Variants in POLE observed in about 807,000 individuals in gnomAD.
The protein encoded by POLE is DNA polymerase epsilon, catalytic subunit.
In POLE, 188 loss-of-function variants were observed where a neutral mutation model predicts 279.2. The ratio of observed to expected loss-of-function variants is 0.67; its 90% confidence interval spans 0.60 to 0.76. POLE has a LOEUF of 0.76. Among genes scored for constraint, POLE ranks in the 30% least tolerant of loss-of-function variants. The pLI is 0.00. For synonymous variants in POLE, 1,214 were observed against 1,172.5 expected, an observed-to-expected ratio of 1.04 and a Z score of -0.72; for missense variants, 2,703 against 3,016.7, an observed-to-expected ratio of 0.90 and a Z score of 2.44.
Position 132,659,670 on chromosome 12 carries a change from C to T in POLE, c.3061-161G>A. Reference sequence around the variant, plus strand: ...ATGCCTGTGTGGCAATACTTTAAAACATACACACACACACAAAACTTTAGC... The same window carrying T: ...ATGCCTGTGTGGCAATACTTTAAAATATACACACACACACAAAACTTTAGC... On this transcript the variant is annotated intron_variant, in intron 25 of 48. Coordinates refer to ENST00000320574, the MANE Select transcript of POLE (RefSeq NM_006231.4). 4.9e-6 allele frequency: 3 copies of T among 608,152 alleles called. No individual in the cohort carries two copies. In the South Asian group the frequency reaches 6.0e-5, roughly 12 times the overall value. 37.7% of individuals were successfully genotyped at this position (608,152 alleles called of 1,614,324 possible).
At chr12:132,686,477 G>C (rs2043270905) in intron 1 of POLE, among the ~76,000 whole-genome samples, 2 of 151,940 alleles carry the variant, frequency 1.3e-5, no homozygotes, top group Admixed American at 1.3e-4. Flanking sequence ...TCTCACGTCT[G>C]TAATCCCAGC....
At position 132,657,926 on chromosome 12, in the gene POLE, T is replaced by C. The variant is rs1060500800; in HGVS notation, c.3320A>G (p.Lys1107Arg). 1 of 1,614,142 alleles carries C rather than the reference T, an allele frequency of 6.2e-7. No individual in the cohort carries two copies. The highest frequency in any genetic ancestry group is 8.5e-7 in the Non-Finnish European group (1 of 1,179,972). The change falls in exon 27 of 49, where the codon AAG becomes AGG. Residue 1107 changes from lysine to arginine, a missense_variant. Physicochemically the swap from Lys to Arg is conservative, Grantham distance 26 (BLOSUM62 2). Coordinates refer to ENST00000320574, the MANE Select transcript of POLE (RefSeq NM_006231.4). Reference sequence around the variant, plus strand: ...CTTGAGCCATTTCCGGAGAAAGTGCTTCCTCACCGTGGGCTCTGCTTGGAA... The same window carrying C: ...CTTGAGCCATTTCCGGAGAAAGTGCCTCCTCACCGTGGGCTCTGCTTGGAA... ...AIFQAEPTVRKHFLRKWLKSS... is the reference protein window; with the variant it reads ...AIFQAEPTVRRHFLRKWLKSS...
intron 40 of POLE, 160 bp from the exon 41 acceptor site, chr12:132,638,299 C>A: frequency 2.1e-6 from 1 of 478,782 alleles, no homozygotes; most frequent in Non-Finnish European, 3.4e-6. Flanking sequence ...AAGATTTCTG[C>A]ATGGCAAAAA....
At chr12:132,673,452 G>T in intron 13 of POLE, 123 bp downstream of exon 13, 1 of 1,415,744 alleles carries the variant, frequency 7.1e-7, no homozygotes, top group Non-Finnish European at 9.8e-7. Flanking sequence ...GAGCGGGCTG[G>T]CATACATGCG....
chr12:132,680,913 T>C (rs2043152544), intron 2 of POLE: 1 of 632,064 alleles, frequency 1.6e-6, no homozygotes, highest in East Asian at 2.7e-5. Flanking sequence ...TTGAAAGCTT[T>C]ATTCTGATGG....
At chr12:132,631,093 T>G (rs1003944005) in intron 45 of POLE, among the ~76,000 whole-genome samples, 2 of 152,240 alleles carry the variant, frequency 1.3e-5, no homozygotes, top group African/African-American at 4.8e-5. Flanking sequence ...AAGCTGTGGT[T>G]TGCCCACACA....
intron 45 of POLE, among the ~76,000 whole-genome samples, chr12:132,628,572 G>A (rs1041822525): frequency 6.6e-6 from 1 of 152,160 alleles, no homozygotes; most frequent in Non-Finnish European, 1.5e-5. Context: ...GAACCCAGGA[G>A]GCGGAGGTTG....
chr12:132,625,987 G>T, intron 46 of POLE, 130 bp downstream of exon 46: 1 of 1,127,804 alleles, frequency 8.9e-7, no homozygotes, highest in Non-Finnish European at 1.3e-6. Context: ...GGGGCCTGTT[G>T]CCAATCCATG....
intron 45 of POLE, among the ~76,000 whole-genome samples, chr12:132,627,000 G>A (rs1428534371): frequency 6.6e-6 from 1 of 152,214 alleles, no homozygotes; most frequent in Non-Finnish European, 1.5e-5. Context: ...TAAAAGTTAC[G>A]TGATTTGTGG....
At chr12:132,651,582 G>A (rs1348411767) in intron 29 of POLE, among the ~76,000 whole-genome samples, 1 of 152,196 alleles carries the variant, frequency 6.6e-6, no homozygotes, top group Non-Finnish European at 1.5e-5. Flanking sequence ...ATGGCCCAAC[G>A]ACCCCCACTT....
rs2042679616 is a variant in POLE, at chr12:132,661,466, C to A, written c.2864+61G>T. On this transcript the variant is annotated intron_variant, in intron 24 of 48. Transcript: ENST00000320574. This position sits in a 1 kb window ranked among gnomAD's most constrained non-coding sequence, Gnocchi z 4.1. ...CTCCTGATCCAACCTCCTTTCTGGG[C>A]TAAATTTAATCTATCTCAATCCATG... The A allele has an allele frequency of 6.4e-7, 1 of 1,563,288 alleles. No homozygotes were observed. The highest frequency in any genetic ancestry group is 8.7e-7 in the Non-Finnish European group (1 of 1,145,400).
rs2042586828 is a variant in POLE, at chr12:132,658,080, C to T, written c.3276-110G>A. 4.1e-6 allele frequency: 3 copies of T among 736,134 alleles called. No homozygotes were observed. In the African/African-American group the frequency reaches 5.2e-5, roughly 13 times the overall value. The allele number at this position is 736,134 out of a possible 1,614,324, so 45.6% of individuals were successfully genotyped here. A position where few individuals can be genotyped will look rare whatever the true frequency, so the allele number is the denominator to read the frequency against. On this transcript the variant is annotated intron_variant, in intron 26 of 48. Coordinates refer to ENST00000320574, the MANE Select transcript of POLE (RefSeq NM_006231.4). ...AATAAGGACGTGTAACAGCTGTTCA[C>T]AAACATCAATGTATACATCTGCGTG...
rs1028190209 is a variant in POLE at position 132,668,055 on chromosome 12, C to T, written c.2173+301G>A. Among the ~76,000 whole-genome samples, 7 of 151,030 alleles carry T rather than the reference C, an allele frequency of 4.6e-5. No individual in the cohort carries two copies. Among genetic ancestry groups the T allele is most frequent in the African/African-American group, 1.7e-4 (7 of 40,870 alleles). On this transcript the variant is annotated intron_variant, in intron 19 of 48. Coordinates refer to ENST00000320574, the MANE Select transcript of POLE (RefSeq NM_006231.4). This position sits in a 1 kb window ranked among gnomAD's most constrained non-coding sequence, Gnocchi z 4.0. ...CCAAGATCACACCACTGCATTCCAG[C>T]CTGGGTGACAGAGTGAGACCTCATT...
intron 15 of POLE, 118 bp from the exon 16 acceptor site, chr12:132,672,440 C>G: frequency 9.5e-7 from 1 of 1,052,868 alleles, no homozygotes; most frequent in Non-Finnish European, 1.4e-6. Flanking sequence ...CGGAAGGACT[C>G]ATGTGCACAA....
chr12:132,659,203 A>AGGGGAGCCCTCACCTCTCCGTGACGG, intron 26 of POLE, 92 bp downstream of exon 26: 2 of 1,314,464 alleles, frequency 1.5e-6, no homozygotes, highest in Non-Finnish European at 2.1e-6. Context: ...CTCTGTGATG[A>AGGGGAGCCCTCACCTCTCCGTGACGG]GGGGAGCCCT....
chr12:132,670,764 C>T (rs1195263137), intron 16 of POLE, among the ~76,000 whole-genome samples: 1 of 150,678 alleles, frequency 6.6e-6, no homozygotes, highest in African/African-American at 2.4e-5. Context: ...GCTGGAATTA[C>T]AGGCGTGAGC....
intron 12 of POLE, among the ~76,000 whole-genome samples, chr12:132,674,729 A>G (rs1046721209): frequency 5.9e-4 from 90 of 152,292 alleles, no homozygotes; most frequent in Admixed American, 5.2e-4. Flanking sequence ...AGTGCTGAGC[A>G]TCAGAGCTAA....
At chr12:132,672,345 G>C (rs756043162) in intron 15 of POLE, 23 bp from the exon 16 acceptor site, 2 of 1,578,544 alleles carry the variant, frequency 1.3e-6, no homozygotes, top group Admixed American at 1.7e-5. Flanking sequence ...TGAGACGACG[G>C]GGTCAGAGGG....
At chr12:132,677,146 A>T (rs1325675765) in intron 8 of POLE, among the ~76,000 whole-genome samples, 5 of 152,222 alleles carry the variant, frequency 3.3e-5, no homozygotes, top group Non-Finnish European at 5.9e-5. Flanking sequence ...AATCCTGCCT[A>T]GCTCAAACAC....
Sources: gnomAD v4.1 joint callset for allele counts (sites outside exome capture counted in the v4.1 genomes callset) on GRCh38, gnomAD v4.1.1 for gene constraint, Gnocchi (gnomAD v3.1) non-coding constraint, MANE v1.5 for transcripts, NCBI Gene and HGNC (gene_info 2026-07-23, HGNC 2026-07-21) for gene names.